PLEKHH2: variants seen among roughly 807,000 people sequenced by gnomAD.
PLEKHH2 encodes the protein pleckstrin homology, MyTH4 and FERM domain containing H2.
PLEKHH2 carries 129 observed loss-of-function variants against 187.9 expected under a neutral mutation model. The ratio of observed to expected loss-of-function variants is 0.69; its 90% CI spans 0.59 to 0.79. The LOEUF (loss-of-function observed/expected upper bound fraction) is 0.79. Ranked by LOEUF, PLEKHH2 falls within the 30% of genes least tolerant of loss-of-function variation. The pLI, the probability that PLEKHH2 is intolerant of heterozygous loss-of-function variation, is 0.00. For missense variants in PLEKHH2, 2,076 were observed against 1,751.2 expected (o/e 1.19, Z -3.31); for synonymous variants, 686 against 605.6 (o/e 1.13, Z -1.95).
At chr2:43,697,386 G>T in intron 7 of PLEKHH2, 30 bp downstream of exon 7, 1 of 1,530,944 alleles carries the variant, frequency 6.5e-7, no homozygotes. Context: ...ATTGACTTTG[G>T]CATTTTTTAA....
chr2:43,650,100 G>T (rs1574475061), intron 2 of PLEKHH2, among the ~76,000 whole-genome samples: 2 of 149,268 alleles, frequency 1.3e-5, no homozygotes, highest in East Asian at 3.9e-4. Flanking sequence ...TTTGTCTAAA[G>T]CCTGATATGG....
intron 2 of PLEKHH2, among the ~76,000 whole-genome samples, chr2:43,645,993 CA>C (rs1666166090): frequency 6.6e-6 from 1 of 152,120 alleles, no homozygotes; most frequent in African/African-American, 2.4e-5. Context: ...TAACATTCAG[CA>C]AAACATCATT....
At chr2:43,711,534 T>C in intron 14 of PLEKHH2, 5 of 955,280 alleles carry the variant, frequency 5.2e-6, no homozygotes, top group Non-Finnish European at 6.2e-6. Flanking sequence ...AGAAACCTCT[T>C]CTTTAGTTGC....
chr2:43,694,572 A>G (rs1668996741), intron 5 of PLEKHH2, 58 bp downstream of exon 5: 8 of 1,460,034 alleles, frequency 5.5e-6, no homozygotes, highest in Non-Finnish European at 7.3e-6. Context: ...GAATTGATAC[A>G]TCATCAGAAT....
In PLEKHH2 at chr2:43,638,386, C is replaced by G. The variant is rs544506849; in HGVS notation, c.-4+1007C>G. Among the ~76,000 whole-genome samples, 3 of 152,128 alleles carry G rather than the reference C, an allele frequency of 2.0e-5. No individual in the cohort carries two copies. The East Asian group carries it at 5.8e-4, about 29-fold the overall frequency. On this transcript the variant is annotated intron_variant, in intron 1 of 29. Transcript: ENST00000282406. The stretch of plus-strand genomic sequence containing the variant: ...AACGCTGCGCTTCATCAGGGTAAGC[C>G]TAAGTAGAATAATTCTTTCATTTCT...
intron 19 of PLEKHH2, among the ~76,000 whole-genome samples, chr2:43,737,593 A>G (rs1401673051): frequency 1.3e-5 from 2 of 152,184 alleles, no homozygotes; most frequent in Admixed American, 1.3e-4. Flanking sequence ...ATGGGGCTGG[A>G]GGATTCCAAA....
At chr2:43,682,921 T>G (rs1668278517) in intron 3 of PLEKHH2, among the ~76,000 whole-genome samples, 1 of 147,848 alleles carries the variant, frequency 6.8e-6, no homozygotes. Context: ...TCATTATGGC[T>G]GAATAATGTT....
At chr2:43,757,610 G>A (rs913149727) in intron 26 of PLEKHH2, among the ~76,000 whole-genome samples, 4 of 151,872 alleles carry the variant, frequency 2.6e-5, no homozygotes, top group Non-Finnish European at 4.4e-5. Context: ...AGTAGAGATG[G>A]GGTTTCACCG....
intron 13 of PLEKHH2, 46 bp downstream of exon 13, chr2:43,710,376 T>C (rs1311394214): frequency 6.3e-7 from 1 of 1,594,368 alleles, no homozygotes; most frequent in Admixed American, 1.7e-5. Context: ...CCTCAAACTA[T>C]AAATCAGACG....
At chr2:43,714,338 A>G (rs1478152778) in intron 15 of PLEKHH2, among the ~76,000 whole-genome samples, 7 of 152,228 alleles carry the variant, frequency 4.6e-5, no homozygotes, top group African/African-American at 4.8e-5. Context: ...TGGGATTCTC[A>G]GATGACTAAA....
At chr2:43,672,733 C>A (rs1224182306) in intron 2 of PLEKHH2, among the ~76,000 whole-genome samples, 1 of 152,134 alleles carries the variant, frequency 6.6e-6, no homozygotes, top group African/African-American at 2.4e-5. Context: ...ATTTCTAATG[C>A]AAGTTTCTAA....
chr2:43,684,786 T>C (rs1345509134), intron 3 of PLEKHH2, among the ~76,000 whole-genome samples: 1 of 148,574 alleles, frequency 6.7e-6, no homozygotes, highest in Non-Finnish European at 1.5e-5. Flanking sequence ...ACACCAGGAT[T>C]GGTTATTTTA....
In PLEKHH2 at chr2:43,678,771, G is replaced by T. The variant is rs111870460; in HGVS notation, c.124-92G>T. 6.9e-5 allele frequency: 37 copies of T among 537,950 alleles called. 1 individual carries two copies. In the East Asian group the frequency reaches 9.0e-4, roughly 13 times the overall value. The allele number at this position is 537,950 out of a possible 1,614,324, so 33.3% of individuals were successfully genotyped here. A position where few individuals can be genotyped will look rare whatever the true frequency, so the allele number is the denominator to read the frequency against. ...GGAGGTGGAGGTGGAGGTGGAGGTG[G>T]AGGTAGAATTATGAGATTTTTAAAG... On this transcript the variant is annotated intron_variant, in intron 2 of 29. Transcript: ENST00000282406.
intron 15 of PLEKHH2, among the ~76,000 whole-genome samples, chr2:43,719,341 T>A (rs1670369322): frequency 6.6e-6 from 1 of 152,234 alleles, no homozygotes; most frequent in South Asian, 2.1e-4. Flanking sequence ...ATTATTTTAT[T>A]ACTTTGTATG....
chr2:43,677,073 A>G (rs1667847390), intron 2 of PLEKHH2, among the ~76,000 whole-genome samples: 1 of 152,232 alleles, frequency 6.6e-6, no homozygotes, highest in South Asian at 2.1e-4. Context: ...TAGTCCTTGT[A>G]TTAAAAGTAT....
In PLEKHH2 at chr2:43,700,627, G is replaced by A. The variant is rs751450437; in HGVS notation, c.1650+19G>A. ...TTCTTGGGTAATTATATCACCGCAT[G>A]TAACACATACGCAGTAGTTTTTTTC... On this transcript the variant is annotated intron_variant, in intron 8 of 29. Coordinates refer to ENST00000282406, the MANE Select transcript of PLEKHH2 (RefSeq NM_172069.4). 8.2e-6 allele frequency: 13 copies of A among 1,590,410 alleles called. No homozygotes were observed. The highest frequency in any genetic ancestry group is 2.2e-5 in the East Asian group (1 of 44,770).
At chr2:43,705,324 T>C (rs1160287712) in intron 9 of PLEKHH2, among the ~76,000 whole-genome samples, 1 of 142,956 alleles carries the variant, frequency 7.0e-6, no homozygotes, top group African/African-American at 2.6e-5. Flanking sequence ...GGTGTGATCA[T>C]AGCTCACTAC....
At position 43,644,738 on chromosome 2, in the gene PLEKHH2, C is replaced by T. The variant is rs1157289520; in HGVS notation, c.65C>T (p.Ser22Phe). ...AAGGAACGATGTGTAGCTCTGGAGT[C>T]CCAACTCATGAAATTTAGAGTTCAA... ...DWKERCVALE[S>F]QLMKFRVQAS... The change falls in exon 2 of 30, where the codon TCC (serine) becomes TTC (phenylalanine). Residue 22 changes from serine (S) to phenylalanine (F), a missense_variant. By Grantham distance (155) the Ser-to-Phe change is radical. Coordinates refer to ENST00000282406, the MANE Select transcript of PLEKHH2 (RefSeq NM_172069.4). 2.5e-6 allele frequency: 4 copies of T among 1,609,522 alleles called. No homozygotes were observed. Among genetic ancestry groups the T allele is most frequent in the East Asian group, 4.5e-5 (2 of 44,700 alleles).
intron 24 of PLEKHH2, among the ~76,000 whole-genome samples, chr2:43,750,018 C>T (rs953179696): frequency 6.6e-6 from 1 of 152,198 alleles, no homozygotes; most frequent in Non-Finnish European, 1.5e-5. Context: ...AGTTAAGCTT[C>T]TTATTTAATT....
Sources: allele counts gnomAD v4.1 joint callset (sites outside exome capture counted in the v4.1 genomes callset), GRCh38; gene constraint gnomAD v4.1.1; transcripts MANE v1.5; gene names NCBI Gene and HGNC (gene_info 2026-07-23, HGNC 2026-07-21).